The following ST3GAL3 variants were observed in gnomAD, a reference collection of about 807,000 sequenced individuals.
The protein encoded by ST3GAL3 is ST3 beta-galactoside alpha-2,3-sialyltransferase 3, also known as CMP-N-acetylneuraminate-beta-1,4-galactoside alpha-2,3-sialyltransferase.
ST3GAL3 carries 21 observed loss-of-function variants against 50.1 expected under a neutral mutation model. The ratio of observed to expected loss-of-function variants is 0.42; its 90% CI spans 0.30 to 0.60. ST3GAL3 has a LOEUF of 0.60. ST3GAL3 is among the 20% of genes least tolerant of loss of function. The pLI is 0.19. For missense variants in ST3GAL3, 353 were observed against 489.4 expected (o/e 0.72, Z 2.63); for synonymous variants, 183 against 190.0 (o/e 0.96, Z 0.30).
rs561426369 is a variant in ST3GAL3 at position 43,826,102 on chromosome 1, C to CA, written c.209+11180dup. 5.3e-3 allele frequency among the ~76,000 whole-genome samples: 725 copies of CA among 135,838 alleles called. 4 individuals carry two copies. Among genetic ancestry groups the CA allele is most frequent in the African/African-American group, 0.014 (499 of 36,896 alleles). 89.1% of individuals were successfully genotyped at this position (135,838 alleles called of 152,430 possible). A position where few individuals can be genotyped will look rare whatever the true frequency, so the allele number is the denominator to read the frequency against. On this transcript the variant is annotated intron_variant, in intron 4 of 11. Coordinates refer to ENST00000347631, the MANE Select transcript of ST3GAL3 (RefSeq NM_006279.5). Reference sequence around the variant, plus strand: ...GCAACATAGGGAGACCTCGTCTCTTCAAAAAAAAAAACAAAATTAGCCGGT... The same window carrying CA: ...GCAACATAGGGAGACCTCGTCTCTTCAAAAAAAAAAAACAAAATTAGCCGGT...
At chr1:43,852,564 A>G (rs2067532699) in intron 5 of ST3GAL3, among the ~76,000 whole-genome samples, 2 of 152,216 alleles carry the variant, frequency 1.3e-5, no homozygotes, top group Non-Finnish European at 1.5e-5. Context: ...CACACAGTAG[A>G]CACTTGGTAT....
chr1:43,867,946 G>T (rs998819853), intron 5 of ST3GAL3, among the ~76,000 whole-genome samples: 31 of 152,134 alleles, frequency 2.0e-4, no homozygotes, highest in African/African-American at 7.0e-4. Flanking sequence ...ATTATGGGAG[G>T]CTATATAGGC....
rs1447311812 is a variant in ST3GAL3, at chr1:43,899,544, G to C, written c.561G>C (p.Leu187=). 1 of 1,612,726 alleles carries C rather than the reference G, an allele frequency of 6.2e-7. No homozygotes were observed. Among genetic ancestry groups the C allele is most frequent in the South Asian group, 1.1e-5 (1 of 91,080 alleles). The part of the protein sequence containing the change: ...RIDDYDIVVR[L]NSAPVKGFEK... Reference sequence around the variant, plus strand: ...TGAGTGGGCCTGCTCTCTGTAGACTGAATTCAGCACCAGTGAAAGGCTTTG... The same window carrying C: ...TGAGTGGGCCTGCTCTCTGTAGACTCAATTCAGCACCAGTGAAAGGCTTTG... Residue 187 remains leucine (L), a synonymous_variant, in exon 9 of 12, where the codon CTG becomes CTC. Coordinates refer to ENST00000347631, the MANE Select transcript of ST3GAL3 (RefSeq NM_006279.5). This position sits in a 1 kb window ranked among gnomAD's most constrained non-coding sequence, Gnocchi z 5.4.
At chr1:43,755,694 T>C (rs908664797) in intron 2 of ST3GAL3, among the ~76,000 whole-genome samples, 1 of 151,970 alleles carries the variant, frequency 6.6e-6, no homozygotes, top group Non-Finnish European at 1.5e-5. Flanking sequence ...GAAAACATAG[T>C]TGGAATCAAA....
intron 11 of ST3GAL3, among the ~76,000 whole-genome samples, chr1:43,925,570 T>C (rs1024692853): frequency 6.6e-6 from 1 of 152,234 alleles, no homozygotes; most frequent in Admixed American, 6.5e-5. Flanking sequence ...ACTGAGAATG[T>C]TGGTGCCCGG....
intron 5 of ST3GAL3, among the ~76,000 whole-genome samples, chr1:43,887,879 G>A (rs2076191085): frequency 6.7e-6 from 1 of 150,272 alleles, no homozygotes; most frequent in African/African-American, 2.5e-5. Context: ...AGAATGTAGA[G>A]TGTTCCAAGT....
At chr1:43,868,348 A>G (rs1244533199) in intron 5 of ST3GAL3, among the ~76,000 whole-genome samples, 1 of 152,202 alleles carries the variant, frequency 6.6e-6, no homozygotes, top group African/African-American at 2.4e-5. Flanking sequence ...GAACTTCCCA[A>G]TAGCTAAATC....
intron 1 of ST3GAL3, among the ~76,000 whole-genome samples, chr1:43,712,215 A>T (rs1398580619): frequency 6.6e-6 from 1 of 152,232 alleles, no homozygotes; most frequent in Non-Finnish European, 1.5e-5. Flanking sequence ...AGCACTCATG[A>T]TCACAGTGCT....
rs112878402 is a variant in ST3GAL3 at position 43,779,512 on chromosome 1, T to C, written c.119-12590T>C. Reference sequence around the variant, plus strand: ...GGCATTCATTTTTAACTCTTTTAGGTAACTTGTTTGGTTTTTTAACCTCTG... The same window carrying C: ...GGCATTCATTTTTAACTCTTTTAGGCAACTTGTTTGGTTTTTTAACCTCTG... On this transcript the variant is annotated intron_variant, in intron 2 of 11. Transcript: ENST00000347631. Among the ~76,000 whole-genome samples, 632 of 152,346 alleles carry C rather than the reference T, an allele frequency of 4.1e-3. 9 individuals carry two copies. Among genetic ancestry groups the C allele is most frequent in the African/African-American group, 0.014 (587 of 41,578 alleles).
At chr1:43,725,192 T>C (rs1024984117) in intron 1 of ST3GAL3, among the ~76,000 whole-genome samples, 1 of 152,132 alleles carries the variant, frequency 6.6e-6, no homozygotes, top group Admixed American at 6.5e-5. Flanking sequence ...CATGCTTTTT[T>C]CTTTTTTCTT....
At chr1:43,836,870 A>T (rs1404756437) in intron 4 of ST3GAL3, among the ~76,000 whole-genome samples, 2 of 152,244 alleles carry the variant, frequency 1.3e-5, no homozygotes, top group Non-Finnish European at 2.9e-5. Flanking sequence ...TAAGACGTTG[A>T]AACCCAAAGA....
At chr1:43,919,055 T>C (rs1425831111) in intron 9 of ST3GAL3, 2 of 145,024 alleles carry the variant, frequency 1.4e-5, no homozygotes, top group Non-Finnish European at 3.0e-5. Flanking sequence ...TTCTTTTCTT[T>C]CCTTTCTTTG....
At chr1:43,778,098 T>TA (rs1188041185) in intron 2 of ST3GAL3, among the ~76,000 whole-genome samples, 27 of 152,050 alleles carry the variant, frequency 1.8e-4, no homozygotes, top group African/African-American at 6.3e-4. Context: ...TATGCAGCCA[T>TA]AAAAAGGAAT....
chr1:43,881,278 T>A (rs2075083660), intron 5 of ST3GAL3, among the ~76,000 whole-genome samples: 3 of 152,236 alleles, frequency 2.0e-5, no homozygotes, highest in Admixed American at 2.0e-4. Flanking sequence ...CCCAAAGTGT[T>A]GGGATTACAG....
At chr1:43,774,827 C>T (rs1230456284) in intron 2 of ST3GAL3, among the ~76,000 whole-genome samples, 3 of 152,074 alleles carry the variant, frequency 2.0e-5, no homozygotes, top group African/African-American at 7.2e-5. Flanking sequence ...AGGTACTGTG[C>T]CAAGTGAAAG....
chr1:43,857,938 C>G (rs1411283335), intron 5 of ST3GAL3, among the ~76,000 whole-genome samples: 1 of 152,100 alleles, frequency 6.6e-6, no homozygotes, highest in Non-Finnish European at 1.5e-5. Context: ...TCTAGTGATT[C>G]ATTTTTATTC....
intron 2 of ST3GAL3, among the ~76,000 whole-genome samples, chr1:43,763,612 C>G (rs1258029524): frequency 3.3e-5 from 5 of 152,150 alleles, no homozygotes; most frequent in Admixed American, 3.3e-4. Context: ...AGCAGTCACC[C>G]TGAGCCACAA....
At chr1:43,772,423 T>C (rs1695619455) in intron 2 of ST3GAL3, 1 of 164,830 alleles carries the variant, frequency 6.1e-6, no homozygotes, top group Non-Finnish European at 1.3e-5. Context: ...TCTAGAGCGC[T>C]TGTGACAGAC....
chr1:43,863,659 G>A (rs765738489), intron 5 of ST3GAL3, among the ~76,000 whole-genome samples: 4 of 152,118 alleles, frequency 2.6e-5, no homozygotes, highest in Admixed American at 6.5e-5. Context: ...GCCAGCTTCC[G>A]CCCCCTAAAA....
Sources: gnomAD v4.1 joint callset for allele counts (sites outside exome capture counted in the v4.1 genomes callset) on GRCh38, gnomAD v4.1.1 for gene constraint, Gnocchi (gnomAD v3.1) non-coding constraint, MANE v1.5 for transcripts, NCBI Gene and HGNC (gene_info 2026-07-23, HGNC 2026-07-21) for gene names.